Variants in CCDC73 observed in about 807,000 individuals in gnomAD.
CCDC73 encodes the protein coiled-coil domain-containing protein 73.
Under a neutral mutation model 116.5 loss-of-function variants are expected in CCDC73, and 95 were observed. That is an observed-to-expected ratio of 0.82 (90% CI 0.69 to 0.97). CCDC73 has a LOEUF of 0.97. Among genes scored for constraint, CCDC73 ranks in the 50% least tolerant of loss-of-function variants. The probability of loss-of-function intolerance (pLI) is 0.00; values close to 1 mark genes in which losing one functional copy is unlikely to be tolerated. For missense variants in CCDC73, 1,066 were observed against 1,206.8 expected, an observed-to-expected ratio of 0.88 and a Z score of 1.73; for synonymous variants, 398 against 401.3, an observed-to-expected ratio of 0.99 and a Z score of 0.10.
chr11:32,755,903 C>A (rs1438282016), intron 2 of CCDC73, among the ~76,000 whole-genome samples: 8 of 83,288 alleles, frequency 9.6e-5, no homozygotes, highest in East Asian at 3.9e-4. Flanking sequence ...CCATATATAT[C>A]TATATATATC....
At chr11:32,681,282 A>T (rs1274134926) in intron 7 of CCDC73, 1 of 152,002 alleles carries the variant, frequency 6.6e-6, no homozygotes, top group Non-Finnish European at 1.5e-5. Context: ...ATTACCCAAC[A>T]TGGTCATCTA....
intron 6 of CCDC73, among the ~76,000 whole-genome samples, chr11:32,693,305 G>T (rs952453362): frequency 6.6e-6 from 1 of 152,182 alleles, no homozygotes; most frequent in African/African-American, 2.4e-5. Flanking sequence ...ATTTATATCA[G>T]ATCCTTAACT....
rs562586025 is a variant in CCDC73 at position 32,707,127 on chromosome 11, A to G, written c.208-4183T>C. 2.6e-5 allele frequency among the ~76,000 whole-genome samples: 4 copies of G among 152,260 alleles called. No individual in the cohort carries two copies. In the South Asian group the frequency reaches 6.2e-4, roughly 24 times the overall value. ...ATACCTCTAAAACCAGATGCTAAAG[A>G]AGAACTAAAGCCAATAGTCCAAAGG... On this transcript the variant is annotated intron_variant, in intron 3 of 17. Transcript: ENST00000335185.
At chr11:32,722,604 T>C (rs1041571562) in intron 2 of CCDC73, among the ~76,000 whole-genome samples, 2 of 152,184 alleles carry the variant, frequency 1.3e-5, no homozygotes, top group Admixed American at 1.3e-4. Flanking sequence ...TTAAAACATA[T>C]TGAAAAAGGA....
At chr11:32,683,372 A>C (rs994937078) in intron 7 of CCDC73, 164 bp downstream of exon 7, 1 of 635,850 alleles carries the variant, frequency 1.6e-6, no homozygotes, top group Non-Finnish European at 2.9e-6. Flanking sequence ...TCATTTATGC[A>C]ACATGTGAAA....
At chr11:32,803,528 A>G in the CCDC73 span, among the ~76,000 whole-genome samples, 1 of 152,232 alleles carries the variant, frequency 6.6e-6, no homozygotes, top group Non-Finnish European at 1.5e-5. Flanking sequence ...TCAATTCCAT[A>G]AGGGAACATA....
At chr11:32,719,898 T>C (rs1424163587) in intron 2 of CCDC73, among the ~76,000 whole-genome samples, 1 of 152,094 alleles carries the variant, frequency 6.6e-6, no homozygotes, top group Non-Finnish European at 1.5e-5. Flanking sequence ...TAAAAGGAGT[T>C]GAGTTCTTAA....
rs530021858 is a variant in CCDC73, at chr11:32,777,314, A to G, written c.-15-17056T>C. On this transcript the variant is annotated intron_variant, in intron 1 of 17. Transcript: ENST00000335185. ...AAGATGGCGTTTTGCCATGTTGGCC[A>G]TGCTGGTCTTGAACTCCTGACCTCA... Among the ~76,000 whole-genome samples, 19 of 152,056 alleles carry G rather than the reference A, an allele frequency of 1.2e-4. No homozygotes were observed. In the East Asian group the frequency reaches 3.1e-3, roughly 25 times the overall value.
intron 13 of CCDC73, among the ~76,000 whole-genome samples, chr11:32,641,292 T>G (rs1045851575): frequency 1.3e-5 from 2 of 152,156 alleles, no homozygotes; most frequent in African/African-American, 4.8e-5. Context: ...GCAATTAAAA[T>G]TGATATTAGC....
intron 1 of CCDC73, among the ~76,000 whole-genome samples, chr11:32,764,282 G>A (rs200981140): frequency 2.4e-4 from 37 of 151,534 alleles, no homozygotes; most frequent in African/African-American, 4.9e-4. Flanking sequence ...GATACTCCTC[G>A]AGAAGAGCAA....
the CCDC73 span, among the ~76,000 whole-genome samples, chr11:32,815,602 T>G: frequency 6.6e-6 from 1 of 152,154 alleles, no homozygotes; most frequent in Non-Finnish European, 1.5e-5. Flanking sequence ...AAGAAAAAGG[T>G]TTGTTACCTC....
chr11:32,678,909 T>C (rs867686748), intron 7 of CCDC73, among the ~76,000 whole-genome samples: 28 of 149,436 alleles, frequency 1.9e-4, no homozygotes, highest in East Asian at 7.8e-4. Context: ...TATATATATA[T>C]ACACACACAC....
the CCDC73 span, among the ~76,000 whole-genome samples, chr11:32,821,437 A>C: frequency 1.3e-5 from 2 of 152,248 alleles, no homozygotes; most frequent in Non-Finnish European, 2.9e-5. Context: ...GACTTACGTT[A>C]ACAGTTTAAA....
chr11:32,710,081 G>A (rs924392610), intron 3 of CCDC73, among the ~76,000 whole-genome samples: 12 of 152,020 alleles, frequency 7.9e-5, no homozygotes, highest in Admixed American at 7.2e-4. Context: ...GAGCTTATTT[G>A]GATCGTCTCT....
At chr11:32,804,284 G>A in the CCDC73 span, among the ~76,000 whole-genome samples, 7 of 152,184 alleles carry the variant, frequency 4.6e-5, no homozygotes, top group East Asian at 3.9e-4. Context: ...GACTACAGGC[G>A]CACACCACAA....
intron 6 of CCDC73, among the ~76,000 whole-genome samples, chr11:32,691,770 C>T (rs966978153): frequency 6.6e-6 from 1 of 152,022 alleles, no homozygotes; most frequent in Non-Finnish European, 1.5e-5. Flanking sequence ...AAAAGTCAGC[C>T]GGGCACAGTG....
chr11:32,739,467 G>T (rs965949181), intron 2 of CCDC73, among the ~76,000 whole-genome samples: 4 of 152,090 alleles, frequency 2.6e-5, no homozygotes, highest in African/African-American at 9.7e-5. Flanking sequence ...TATTGTAAAT[G>T]AGATTACTTT....
chr11:32,699,441 G>A (rs1169004804), intron 5 of CCDC73, 116 bp from the exon 6 acceptor site: 5 of 1,187,688 alleles, frequency 4.2e-6, no homozygotes, highest in Non-Finnish European at 4.3e-6. Context: ...ACTTTCTAAT[G>A]TAAATAATAA....
At chr11:32,752,350 A>G (rs1246798108) in intron 2 of CCDC73, among the ~76,000 whole-genome samples, 1 of 152,234 alleles carries the variant, frequency 6.6e-6, no homozygotes, top group Non-Finnish European at 1.5e-5. Flanking sequence ...CCATTACAAC[A>G]GTATAGTAAA....
Sources: allele counts gnomAD v4.1 joint callset (sites outside exome capture counted in the v4.1 genomes callset), GRCh38; gene constraint gnomAD v4.1.1; transcripts MANE v1.5; gene names NCBI Gene and HGNC (gene_info 2026-07-23, HGNC 2026-07-21).